The following SMARCC1 variants were observed in gnomAD, a reference collection of about 807,000 sequenced individuals.
The protein encoded by SMARCC1 is SWI/SNF complex subunit SMARCC1.
Under a neutral mutation model 147.4 loss-of-function variants are expected in SMARCC1, and 43 were observed. The observed-to-expected ratio is 0.29, with a 90% CI of 0.23 to 0.38. The LOEUF (loss-of-function observed/expected upper bound fraction) is 0.38, where lower values mean the gene tolerates loss of function less well. SMARCC1 is among the 10% of genes least tolerant of loss of function. SMARCC1 has a pLI of 1.00. For missense variants in SMARCC1, 1,119 were observed against 1,381.1 expected, an observed-to-expected ratio of 0.81 and a Z score of 3.01; for synonymous variants, 495 against 484.4, an observed-to-expected ratio of 1.02 and a Z score of -0.29.
chr3:47,716,432 A>C (rs1389395678), intron 7 of SMARCC1, among the ~76,000 whole-genome samples: 2 of 151,236 alleles, frequency 1.3e-5, no homozygotes. Context: ...AAAAAAAAAA[A>C]AAAAAAACCC....
At chr3:47,642,500 G>C (rs1296265625) in intron 21 of SMARCC1, among the ~76,000 whole-genome samples, 3 of 152,064 alleles carry the variant, frequency 2.0e-5, no homozygotes. Flanking sequence ...TGAGGCAGGA[G>C]AATGGCTTGA....
rs375454848 is a variant in SMARCC1 at position 47,778,183 on chromosome 3, T to C, written c.195+3420A>G. Among the ~76,000 whole-genome samples the C allele has an allele frequency of 3.9e-5, 4 of 103,724 alleles. 1 individual carries two copies. Among genetic ancestry groups the C allele is most frequent in the African/African-American group, 1.6e-4 (4 of 24,600 alleles). The allele number at this position is 103,724 out of a possible 152,430, so 68.0% of individuals were successfully genotyped here. On this transcript the variant is annotated intron_variant, in intron 1 of 27. Coordinates refer to ENST00000254480, the MANE Select transcript of SMARCC1 (RefSeq NM_003074.4). ...TCCAGCTTGGGCAGAAGAGCGAGAC[T>C]CCATCTCAAAAAAAAAAAACAAAAA...
chr3:47,680,801 C>A (rs1276069738), intron 14 of SMARCC1, among the ~76,000 whole-genome samples: 1 of 152,016 alleles, frequency 6.6e-6, no homozygotes, highest in Non-Finnish European at 1.5e-5. Flanking sequence ...CCCGCCTCGG[C>A]CTCCCAAAGT....
Position 47,736,593 on chromosome 3 carries a change from G to A in SMARCC1, c.484-467C>T, listed in dbSNP as rs1206561999. ...CGGGAGGCTGAGGCAGGAGAATGGC[G>A]TGAACCCGGGAGGTTGGAGCTTGCA... On this transcript the variant is annotated intron_variant, in intron 4 of 27. Transcript: ENST00000254480. Among the ~76,000 whole-genome samples, 4 of 151,882 alleles carry A rather than the reference G, an allele frequency of 2.6e-5. No individual in the cohort carries two copies. In the South Asian group the frequency reaches 6.2e-4, roughly 24 times the overall value.
chr3:47,719,264 A>G (rs1317122338), intron 7 of SMARCC1, among the ~76,000 whole-genome samples: 2 of 152,158 alleles, frequency 1.3e-5, no homozygotes, highest in Admixed American at 1.3e-4. Flanking sequence ...CGTTATTCAT[A>G]CTGTAGATAC....
At chr3:47,708,693 G>GA (rs202097144) in intron 9 of SMARCC1, among the ~76,000 whole-genome samples, 2 of 149,754 alleles carry the variant, frequency 1.3e-5, no homozygotes, top group South Asian at 4.2e-4. Context: ...GACAGTGGTG[G>GA]AAAAAAAAAA....
intron 26 of SMARCC1, among the ~76,000 whole-genome samples, chr3:47,600,052 G>C (rs1401416399): frequency 1.3e-5 from 2 of 152,188 alleles, no homozygotes; most frequent in Non-Finnish European, 2.9e-5. Flanking sequence ...AAGGCTGTTA[G>C]CCCAACAGCT....
intron 26 of SMARCC1, among the ~76,000 whole-genome samples, chr3:47,597,930 T>C (rs2032317221): frequency 6.6e-6 from 1 of 152,150 alleles, no homozygotes; most frequent in African/African-American, 2.4e-5. Flanking sequence ...GGAACAGATG[T>C]AGGCTGGGCA....
At chr3:47,697,179 TGTGGTG>T (rs2033863938) in intron 11 of SMARCC1, among the ~76,000 whole-genome samples, 1 of 152,038 alleles carries the variant, frequency 6.6e-6, no homozygotes, top group Admixed American at 6.6e-5. Flanking sequence ...ATTAAGCAAA[TGTGGTG>T]GTGAGCACCT....
At chr3:47,699,476 G>A (rs1479674166) in intron 11 of SMARCC1, among the ~76,000 whole-genome samples, 3 of 151,888 alleles carry the variant, frequency 2.0e-5, no homozygotes, top group African/African-American at 4.8e-5. Context: ...ACAGACCAAC[G>A]CTGATGAGTC....
At chr3:47,641,024 T>C (rs570711957) in intron 21 of SMARCC1, among the ~76,000 whole-genome samples, 2 of 152,262 alleles carry the variant, frequency 1.3e-5, no homozygotes, top group South Asian at 2.1e-4. Context: ...ACATGGAAGG[T>C]TCCTGATCTC....
chr3:47,622,440 C>T, intron 24 of SMARCC1, 99 bp from the exon 25 acceptor site: 2 of 1,122,740 alleles, frequency 1.8e-6, no homozygotes, highest in South Asian at 1.3e-5. Flanking sequence ...ATATAATTTA[C>T]AATGGTACCC....
At chr3:47,601,587 T>C (rs532859024) in intron 26 of SMARCC1, 77 of 152,226 alleles carry the variant, frequency 5.1e-4, no homozygotes, top group African/African-American at 1.8e-3. Context: ...GAGGGTAACC[T>C]GCTACTCCGG....
chr3:47,756,289 T>TA (rs1329548204), intron 2 of SMARCC1, among the ~76,000 whole-genome samples: 1 of 151,858 alleles, frequency 6.6e-6, no homozygotes, highest in African/African-American at 2.4e-5. Flanking sequence ...ATCCTACCAC[T>TA]TTGGGAGGCC....
At chr3:47,613,197 T>A (rs762876729) in intron 25 of SMARCC1, among the ~76,000 whole-genome samples, 5 of 152,172 alleles carry the variant, frequency 3.3e-5, no homozygotes, top group Non-Finnish European at 7.3e-5. Flanking sequence ...TTCTTTTTGA[T>A]GTTCAGTTAC....
chr3:47,623,822 G>T (rs2032768986), intron 24 of SMARCC1, among the ~76,000 whole-genome samples: 1 of 151,306 alleles, frequency 6.6e-6, no homozygotes, highest in African/African-American at 2.4e-5. Context: ...TCAATTTCTG[G>T]TCTATTTTTA....
At chr3:47,729,240 TAAAA>T in intron 5 of SMARCC1, 146 bp from the exon 6 acceptor site, 1 of 599,922 alleles carries the variant, frequency 1.7e-6, no homozygotes, top group South Asian at 2.4e-5. Context: ...TTTAGTCAAA[TAAAA>T]AAAAGTGATT....
At chr3:47,638,579 T>A in intron 22 of SMARCC1, 146 bp downstream of exon 22, 1 of 663,500 alleles carries the variant, frequency 1.5e-6, no homozygotes, top group Non-Finnish European at 2.7e-6. Context: ...TTATATCCTG[T>A]GAGAACTATA....
chr3:47,766,767 G>C (rs1434124278), intron 2 of SMARCC1, among the ~76,000 whole-genome samples: 1 of 152,008 alleles, frequency 6.6e-6, no homozygotes, highest in Non-Finnish European at 1.5e-5. Flanking sequence ...TCATGTGTTT[G>C]GTAATGCAAT....
Sources: allele counts gnomAD v4.1 joint callset (sites outside exome capture counted in the v4.1 genomes callset), GRCh38; gene constraint gnomAD v4.1.1; transcripts MANE v1.5; gene names NCBI Gene and HGNC (gene_info 2026-07-23, HGNC 2026-07-21).